Variants in ALG6 observed in about 807,000 individuals in gnomAD.
The protein encoded by ALG6 is ALG6 alpha-1,3-glucosyltransferase.
A neutral mutation model predicts 66.6 loss-of-function variants in ALG6; 46 were observed. The observed-to-expected ratio is 0.69, with a 90% CI of 0.55 to 0.88. The LOEUF is 0.88. Ranked by LOEUF, ALG6 falls within the 40% of genes least tolerant of loss-of-function variation. The pLI is 0.00. For synonymous variants in ALG6, 185 were observed against 203.7 expected, an observed-to-expected ratio of 0.91 and a Z score of 0.78; for missense variants, 505 against 586.8, an observed-to-expected ratio of 0.86 and a Z score of 1.44.
At chr1:63,374,352 G>A (rs1432167447) in intron 2 of ALG6, among the ~76,000 whole-genome samples, 1 of 152,126 alleles carries the variant, frequency 6.6e-6, no homozygotes, top group Non-Finnish European at 1.5e-5. Context: ...GTTCTTGGCC[G>A]GGCCGTGGCT....
At chr1:63,401,837 C>T (rs1022685914) in intron 3 of ALG6, among the ~76,000 whole-genome samples, 3 of 152,216 alleles carry the variant, frequency 2.0e-5, no homozygotes, top group African/African-American at 4.8e-5. Context: ...TTTTAGTTCT[C>T]GAGTCATGAT....
intron 2 of ALG6, among the ~76,000 whole-genome samples, chr1:63,381,477 A>G (rs984602346): frequency 3.3e-5 from 5 of 151,918 alleles, no homozygotes; most frequent in African/African-American, 1.2e-4. Context: ...ATACAAAAAC[A>G]AAAACAAAAC....
chr1:63,394,194 C>A (rs189275230), intron 2 of ALG6, among the ~76,000 whole-genome samples: 1 of 152,286 alleles, frequency 6.6e-6, no homozygotes, highest in Admixed American at 6.5e-5. Flanking sequence ...ATATGGCACA[C>A]CTTCCTAATG....
intron 3 of ALG6, among the ~76,000 whole-genome samples, chr1:63,400,607 C>A (rs1257123714): frequency 6.6e-6 from 1 of 151,686 alleles, no homozygotes; most frequent in Non-Finnish European, 1.5e-5. Context: ...AGCTTACTGT[C>A]AATGCCTCTT....
chr1:63,429,667 A>C (rs1423679417), intron 14 of ALG6: 1 of 153,136 alleles, frequency 6.5e-6, no homozygotes, highest in African/African-American at 2.4e-5. Context: ...TCTTGTAAGG[A>C]CACCAGTACT....
At chr1:63,381,586 A>G (rs1648309312) in intron 2 of ALG6, among the ~76,000 whole-genome samples, 1 of 148,764 alleles carries the variant, frequency 6.7e-6, no homozygotes, top group South Asian at 2.3e-4. Context: ...TCAAGGCCGC[A>G]GTGAGCCGTG....
At chr1:63,391,185 A>G (rs1476867649) in intron 2 of ALG6, among the ~76,000 whole-genome samples, 10 of 152,214 alleles carry the variant, frequency 6.6e-5, no homozygotes. Flanking sequence ...GGAAAAATAC[A>G]TTTTCCTTCT....
At chr1:63,394,686 A>G (rs1231408095) in intron 2 of ALG6, among the ~76,000 whole-genome samples, 2 of 151,950 alleles carry the variant, frequency 1.3e-5, no homozygotes, top group Non-Finnish European at 2.9e-5. Flanking sequence ...GTCATTTTAA[A>G]TGATTTAAGA....
chr1:63,431,761 G>A (rs10889420), intron 14 of ALG6, among the ~76,000 whole-genome samples: 32,522 of 152,042 alleles, frequency 0.21, 4,053 homozygotes, highest in African/African-American at 0.35. Context: ...TAAGTATAAC[G>A]AATGATCCTA....
At chr1:63,386,339 G>A (rs1356800661) in intron 2 of ALG6, among the ~76,000 whole-genome samples, 2 of 152,036 alleles carry the variant, frequency 1.3e-5, no homozygotes, top group Non-Finnish European at 2.9e-5. Context: ...CGTAGAATGA[G>A]TTTGGAAGTA....
chr1:63,400,403 C>G (rs1644458760), intron 3 of ALG6, among the ~76,000 whole-genome samples: 1 of 139,124 alleles, frequency 7.2e-6, no homozygotes, highest in Non-Finnish European at 1.5e-5. Context: ...GCAGGAGTAT[C>G]AACTAATTGC....
At chr1:63,426,784 T>G (rs889445043) in intron 12 of ALG6, among the ~76,000 whole-genome samples, 34 of 152,068 alleles carry the variant, frequency 2.2e-4, no homozygotes, top group Non-Finnish European at 4.3e-4. Flanking sequence ...GCTCAAGTGA[T>G]CCTCCCACCT....
At chr1:63,414,284 C>A in intron 10 of ALG6, 138 bp downstream of exon 10, 1 of 619,712 alleles carries the variant, frequency 1.6e-6, no homozygotes, top group East Asian at 3.2e-5. Context: ...CAGAGTCTGG[C>A]TCTGTCACCC....
intron 8 of ALG6, 65 bp from the exon 9 acceptor site, chr1:63,411,861 C>G: frequency 6.2e-7 from 1 of 1,602,074 alleles, no homozygotes; most frequent in Middle Eastern, 1.7e-4. Context: ...CAGTGAGACT[C>G]AGGTTGATTT....
At chr1:63,378,094 A>G (rs147194891) in intron 2 of ALG6, among the ~76,000 whole-genome samples, 142 of 152,130 alleles carry the variant, frequency 9.3e-4, no homozygotes, top group African/African-American at 3.3e-3. Flanking sequence ...CACCCTTCTT[A>G]CATATTGTAT....
chr1:63,390,980 A>G (rs7545044), intron 2 of ALG6, among the ~76,000 whole-genome samples: 115,267 of 152,130 alleles, frequency 0.76, 44,250 homozygotes, highest in African/African-American at 0.87. Flanking sequence ...ACTGATTTTG[A>G]TTCTTATGAA....
chr1:63,436,364 C>T (rs1428338510), intron 14 of ALG6, among the ~76,000 whole-genome samples: 1 of 152,104 alleles, frequency 6.6e-6, no homozygotes, highest in African/African-American at 2.4e-5. Context: ...TATATTCAGC[C>T]TACTGACCTG....
chr1:63,401,052 C>T (rs941556149), intron 3 of ALG6, among the ~76,000 whole-genome samples: 4 of 152,064 alleles, frequency 2.6e-5, no homozygotes, highest in East Asian at 1.9e-4. Context: ...TTCTTAGACT[C>T]GCTGCTTCTT....
chr1:63,414,602 A>G (rs894154515), intron 10 of ALG6, among the ~76,000 whole-genome samples: 1 of 152,208 alleles, frequency 6.6e-6, no homozygotes, highest in African/African-American at 2.4e-5. Flanking sequence ...TGCTCTGTAC[A>G]ATAAAACTCT....
Sources: gnomAD v4.1 joint callset for allele counts (sites outside exome capture counted in the v4.1 genomes callset) on GRCh38, gnomAD v4.1.1 for gene constraint, MANE v1.5 for transcripts, NCBI Gene and HGNC (gene_info 2026-07-23, HGNC 2026-07-21) for gene names.